The following FMN2 variants were observed in gnomAD, a reference collection of about 807,000 sequenced individuals.
FMN2 encodes the protein formin 2, also known as formin-2.
Under a neutral mutation model 142.3 loss-of-function variants are expected in FMN2, and 51 were observed. That is an observed-to-expected ratio of 0.36 (90% CI 0.29 to 0.45). The LOEUF (loss-of-function observed/expected upper bound fraction) is 0.45. Ranked by LOEUF, FMN2 falls within the 20% of genes least tolerant of loss-of-function variation. The pLI is 1.00. For missense variants in FMN2, 1,936 were observed against 2,122.8 expected (o/e 0.91, Z 1.73); for synonymous variants, 882 against 869.8 (o/e 1.01, Z -0.25).
At chr1:240,117,842 T>C (rs1452378213) in intron 1 of FMN2, among the ~76,000 whole-genome samples, 1 of 152,116 alleles carries the variant, frequency 6.6e-6, no homozygotes, top group Admixed American at 6.5e-5. Flanking sequence ...GAAATGGAGT[T>C]TACGCTCCAG....
chr1:240,232,016 G>A (rs1352258198), intron 6 of FMN2, among the ~76,000 whole-genome samples: 1 of 152,040 alleles, frequency 6.6e-6, no homozygotes, highest in African/African-American at 2.4e-5. Flanking sequence ...TCTACCATGA[G>A]CATCTTAACA....
At chr1:240,408,604 G>A (rs1674291915) in intron 15 of FMN2, among the ~76,000 whole-genome samples, 1 of 152,040 alleles carries the variant, frequency 6.6e-6, no homozygotes, top group South Asian at 2.1e-4. Flanking sequence ...TTCAATGATG[G>A]TTGAAAGTAT....
intron 4 of FMN2, among the ~76,000 whole-genome samples, chr1:240,191,302 TA>T (rs1429778705): frequency 1.3e-5 from 2 of 152,236 alleles, no homozygotes; most frequent in Non-Finnish European, 2.9e-5. Flanking sequence ...ACATGACTCA[TA>T]AAGCCTTTCC....
At chr1:240,336,464 C>T (rs1437831195) in intron 13 of FMN2, among the ~76,000 whole-genome samples, 1 of 143,400 alleles carries the variant, frequency 7.0e-6, no homozygotes, top group African/African-American at 2.5e-5. Context: ...TGAACACAGC[C>T]TGTTACAATT....
intron 16 of FMN2, among the ~76,000 whole-genome samples, chr1:240,466,839 T>C (rs865955055): frequency 1.8e-4 from 27 of 152,306 alleles, no homozygotes; most frequent in Middle Eastern, 3.4e-3. Flanking sequence ...TAGGTGCGAC[T>C]GTGAACAATG....
chr1:240,123,088 C>T, intron 1 of FMN2, 91 bp from the exon 2 acceptor site: 1 of 1,407,288 alleles, frequency 7.1e-7, no homozygotes, highest in Non-Finnish European at 9.8e-7. Context: ...GTGTTGTTCC[C>T]TGGCAGTGTT....
intron 6 of FMN2, among the ~76,000 whole-genome samples, chr1:240,257,410 A>C (rs1036802467): frequency 2.0e-5 from 3 of 152,192 alleles, no homozygotes; most frequent in Admixed American, 1.3e-4. Context: ...TTCCAGTAAA[A>C]TAGTGAGCTT....
At chr1:240,221,458 C>T (rs574724812) in intron 6 of FMN2, among the ~76,000 whole-genome samples, 7 of 152,294 alleles carry the variant, frequency 4.6e-5, no homozygotes, top group African/African-American at 1.4e-4. Flanking sequence ...TTGCATTTCT[C>T]TAATGACCAG....
At chr1:240,147,087 C>CT (rs941034473) in intron 2 of FMN2, among the ~76,000 whole-genome samples, 14 of 151,858 alleles carry the variant, frequency 9.2e-5, no homozygotes, top group African/African-American at 3.1e-4. Flanking sequence ...AAAATTGGGG[C>CT]TTTTTTTTCT....
chr1:240,239,595 A>G (rs986829191), intron 6 of FMN2, among the ~76,000 whole-genome samples: 1 of 152,206 alleles, frequency 6.6e-6, no homozygotes, highest in African/African-American at 2.4e-5. Context: ...GTCTTCCTCC[A>G]TAGGATAGGG....
chr1:240,200,585 T>C (rs961063732), intron 4 of FMN2, among the ~76,000 whole-genome samples: 13 of 152,310 alleles, frequency 8.5e-5, no homozygotes, highest in Admixed American at 8.5e-4. Context: ...GGCCTTATTT[T>C]ACAGGCTAGT....
intron 8 of FMN2, among the ~76,000 whole-genome samples, chr1:240,325,860 A>C (rs1345921022): frequency 6.6e-6 from 1 of 152,184 alleles, no homozygotes; most frequent in Non-Finnish European, 1.5e-5. Flanking sequence ...TGATGGGGAA[A>C]AATCTGTGTG....
rs147585882 is a variant in FMN2, at chr1:240,219,502, A to G, written c.4065+8267A>G. 4.4e-3 allele frequency among the ~76,000 whole-genome samples: 673 copies of G among 152,282 alleles called. 4 individuals carry two copies. Among genetic ancestry groups the G allele is most frequent in the African/African-American group, 0.016 (658 of 41,556 alleles). On this transcript the variant is annotated intron_variant, in intron 6 of 17. Coordinates refer to ENST00000319653, the MANE Select transcript of FMN2 (RefSeq NM_020066.5). ...CCTAAACCGAAAAAGAGTTCCTGTT[A>G]TTTGAGGGCATAAGTTTAAGATTTA... is the stretch of plus-strand genomic sequence containing the variant.
intron 6 of FMN2, among the ~76,000 whole-genome samples, chr1:240,256,525 G>A (rs1668454353): frequency 6.6e-6 from 1 of 151,110 alleles, no homozygotes; most frequent in Admixed American, 6.6e-5. Context: ...GATCACCTGA[G>A]GTCAGGAGTT....
In FMN2 at chr1:240,093,357, CT is replaced by C; in HGVS notation, c.1249del (p.Cys417AlafsTer35). ...TCAAGCCCTACCCGCTCATCACCCC[CT>C]GCTACATCAAGACCACCACCCGGCA... ...CFKPYPLITPCYIKTTTRQLS... is the reference protein window; with the variant it reads ...CFKPYPLITPXYIKTTTRQLS... On this transcript the variant is annotated frameshift_variant, in exon 1 of 18. Coordinates refer to ENST00000319653, the MANE Select transcript of FMN2 (RefSeq NM_020066.5). LOFTEE classifies it high-confidence loss of function. 1 of 1,613,416 alleles carries C rather than the reference CT, an allele frequency of 6.2e-7. No homozygotes were observed.
At chr1:240,166,310 A>G (rs1187318784) in intron 2 of FMN2, among the ~76,000 whole-genome samples, 5 of 151,806 alleles carry the variant, frequency 3.3e-5, no homozygotes. Context: ...GCTCACTGCA[A>G]ACTCTGCCTC....
intron 16 of FMN2, among the ~76,000 whole-genome samples, chr1:240,442,442 G>A (rs1675656492): frequency 6.6e-6 from 1 of 152,210 alleles, no homozygotes; most frequent in Admixed American, 6.5e-5. Flanking sequence ...CTTCAGAGCA[G>A]TGTTTTTGAA....
intron 15 of FMN2, among the ~76,000 whole-genome samples, chr1:240,419,179 G>A (rs1674681485): frequency 6.6e-6 from 1 of 152,158 alleles, no homozygotes; most frequent in Admixed American, 6.5e-5. Flanking sequence ...TTACACTTCT[G>A]ACATTTTTAC....
At chr1:240,143,293 G>A (rs1438114160) in intron 2 of FMN2, 1 of 1,533,624 alleles carries the variant, frequency 6.5e-7, no homozygotes, top group African/African-American at 1.4e-5. Flanking sequence ...ATTTGAAACA[G>A]AGATGAGGGC....
Sources: allele counts gnomAD v4.1 joint callset (sites outside exome capture counted in the v4.1 genomes callset), GRCh38; gene constraint gnomAD v4.1.1; transcripts MANE v1.5; gene names NCBI Gene and HGNC (gene_info 2026-07-23, HGNC 2026-07-21).